PALM2AKAP2: variants seen among roughly 807,000 people sequenced by gnomAD.
PALM2AKAP2 encodes PALM2 and AKAP2 fusion, also known as PALM2-AKAP2 fusion protein.
Under a neutral mutation model 71.5 loss-of-function variants are expected in PALM2AKAP2, and 37 were observed. That is an observed-to-expected ratio of 0.52 (90% CI 0.40 to 0.68). The LOEUF is 0.68. Among genes scored for constraint, PALM2AKAP2 ranks in the 30% least tolerant of loss-of-function variants. The pLI is 0.00. For missense variants in PALM2AKAP2, 1,224 were observed against 1,191.8 expected (o/e 1.03, Z -0.40); for synonymous variants, 468 against 478.8 (o/e 0.98, Z 0.29).
intron 1 of PALM2AKAP2, among the ~76,000 whole-genome samples, chr9:109,714,825 A>G (rs1828291996): frequency 6.6e-6 from 1 of 152,130 alleles, no homozygotes; most frequent in Non-Finnish European, 1.5e-5. Context: ...TGACTGGTGG[A>G]TGAGGAGGAA....
chr9:110,141,791 A>G (rs1440876657), intron 2 of PALM2AKAP2, among the ~76,000 whole-genome samples: 1 of 152,254 alleles, frequency 6.6e-6, no homozygotes, highest in Non-Finnish European at 1.5e-5. Context: ...GGTAGAAATC[A>G]TGCTGGTGGC....
intron 1 of PALM2AKAP2, among the ~76,000 whole-genome samples, chr9:109,741,442 A>G (rs559289854): frequency 2.6e-4 from 39 of 152,300 alleles, no homozygotes; most frequent in Admixed American, 2.4e-3. Flanking sequence ...CTTATTGTGC[A>G]TATACGTTTG....
chr9:109,783,792 G>A (rs910105883), intron 1 of PALM2AKAP2, among the ~76,000 whole-genome samples: 8 of 152,182 alleles, frequency 5.3e-5, no homozygotes, highest in Admixed American at 5.2e-4. Flanking sequence ...GTGTCCCCAG[G>A]TTTCAGCTGC....
intron 1 of PALM2AKAP2, among the ~76,000 whole-genome samples, chr9:110,077,693 T>A (rs1299948020): frequency 6.6e-6 from 1 of 152,160 alleles, no homozygotes; most frequent in South Asian, 2.1e-4. Flanking sequence ...CATTAGCAAA[T>A]GTTTTCTGCA....
chr9:110,062,994 C>T (rs990297294), intron 1 of PALM2AKAP2, among the ~76,000 whole-genome samples: 3 of 152,194 alleles, frequency 2.0e-5, no homozygotes, highest in Non-Finnish European at 2.9e-5. Context: ...TATACAGGCG[C>T]AGTCACCCAG....
At chr9:109,666,828 A>G (rs747607339) in intron 1 of PALM2AKAP2, among the ~76,000 whole-genome samples, 4 of 152,256 alleles carry the variant, frequency 2.6e-5, no homozygotes, top group Non-Finnish European at 5.9e-5. Context: ...CAGGCATAAG[A>G]GCCAGCCCAC....
intron 1 of PALM2AKAP2, among the ~76,000 whole-genome samples, chr9:109,857,909 AC>A (rs1230423009): frequency 6.6e-6 from 1 of 152,258 alleles, no homozygotes; most frequent in Non-Finnish European, 1.5e-5. Flanking sequence ...TATGGTTTAT[AC>A]CACTACCATC....
intron 3 of PALM2AKAP2, among the ~76,000 whole-genome samples, chr9:109,898,452 A>G (rs1435143337): frequency 1.3e-5 from 2 of 152,186 alleles, no homozygotes; most frequent in Admixed American, 6.5e-5. Context: ...TTCTTATTTT[A>G]TATATGTTAG....
chr9:110,028,052 A>G (rs1301712629), intron 7 of PALM2AKAP2, among the ~76,000 whole-genome samples: 1 of 152,204 alleles, frequency 6.6e-6, no homozygotes, highest in Non-Finnish European at 1.5e-5. Context: ...TATTCAGGGT[A>G]GTGGATCTCA....
intron 6 of PALM2AKAP2, among the ~76,000 whole-genome samples, chr9:109,979,035 G>A (rs910709803): frequency 2.5e-4 from 38 of 151,662 alleles, no homozygotes; most frequent in African/African-American, 8.7e-4. Flanking sequence ...TGTCACCTGG[G>A]CTGGAGTGCA....
intron 7 of PALM2AKAP2, among the ~76,000 whole-genome samples, chr9:110,016,333 G>A (rs150482391): frequency 6.6e-6 from 1 of 152,100 alleles, no homozygotes; most frequent in Non-Finnish European, 1.5e-5. Flanking sequence ...CCTGTCGTAG[G>A]GTCTTCAGTG....
In PALM2AKAP2 at chr9:109,707,337, C is replaced by T. The variant is rs183146353; in HGVS notation, c.5+66471C>T. ...CCGCCTCCCATTATAAAATGGAAAA[C>T]GCTGGTACCTGCTTGCTAAAGTTTA... is the stretch of plus-strand genomic sequence containing the variant. On this transcript the variant is annotated intron_variant, in intron 1 of 6. Coordinates refer to the PALM2AKAP2 transcript ENST00000374531. 5.9e-5 allele frequency among the ~76,000 whole-genome samples: 9 copies of T among 152,142 alleles called. No homozygotes were observed. In the South Asian group the frequency reaches 8.3e-4, roughly 14 times the overall value.
intron 1 of PALM2AKAP2, among the ~76,000 whole-genome samples, chr9:110,068,547 T>A (rs114201496): frequency 7.0e-6 from 1 of 142,146 alleles, no homozygotes. Context: ...AATTTTTTTT[T>A]GAGACAGGGT....
At chr9:109,736,877 G>A (rs1828644595) in intron 1 of PALM2AKAP2, among the ~76,000 whole-genome samples, 3 of 152,130 alleles carry the variant, frequency 2.0e-5, no homozygotes, top group African/African-American at 4.8e-5. Context: ...GCTAACATGT[G>A]GTGTGAATAT....
intron 1 of PALM2AKAP2, among the ~76,000 whole-genome samples, chr9:109,835,941 C>T (rs1390244933): frequency 6.6e-6 from 1 of 152,316 alleles, no homozygotes; most frequent in East Asian, 1.9e-4. Flanking sequence ...TCAGTAGACT[C>T]CATCTCTGGG....
At position 109,801,039 on chromosome 9, in the gene PALM2AKAP2, G is replaced by A. The variant is rs138561255; in HGVS notation, c.45+20506G>A. On this transcript the variant is annotated intron_variant, in intron 1 of 9. Transcript: ENST00000302798. Reference sequence around the variant, plus strand: ...CAGTCTGGTTAATTACAACTGGATGGTGAGTTGGGGTTGGGGGATGTGGTG... The same window carrying A: ...CAGTCTGGTTAATTACAACTGGATGATGAGTTGGGGTTGGGGGATGTGGTG... Among the ~76,000 whole-genome samples, 1,270 of 152,322 alleles carry A rather than the reference G, an allele frequency of 8.3e-3. 28 individuals carry two copies. The highest frequency in any genetic ancestry group is 6.2e-3 in the Non-Finnish European group (419 of 68,016).
chr9:109,880,334 A>G (rs1410555244), intron 2 of PALM2AKAP2, among the ~76,000 whole-genome samples: 1 of 152,156 alleles, frequency 6.6e-6, no homozygotes, highest in Non-Finnish European at 1.5e-5. Flanking sequence ...ATACAGTTCT[A>G]TTTTTAAATT....
At chr9:109,884,150 C>T (rs1181481132) in intron 3 of PALM2AKAP2, among the ~76,000 whole-genome samples, 2 of 152,128 alleles carry the variant, frequency 1.3e-5, no homozygotes, top group African/African-American at 4.8e-5. Flanking sequence ...AGGGAAACTA[C>T]AGAAAAGACA....
At chr9:109,980,617 C>T (rs1268652563) in intron 6 of PALM2AKAP2, among the ~76,000 whole-genome samples, 1 of 152,180 alleles carries the variant, frequency 6.6e-6, no homozygotes, top group Non-Finnish European at 1.5e-5. Flanking sequence ...AATGCAGGCT[C>T]ATAGGTCTCA....
Sources: allele counts gnomAD v4.1 joint callset (sites outside exome capture counted in the v4.1 genomes callset), GRCh38; gene constraint gnomAD v4.1.1; transcripts MANE v1.5; gene names NCBI Gene and HGNC (gene_info 2026-07-23, HGNC 2026-07-21).